Variants in DLG3 observed in about 807,000 individuals in gnomAD.
DLG3 encodes the protein discs large MAGUK scaffold protein 3.
A neutral mutation model predicts 64.1 loss-of-function variants in DLG3; 1 was observed. That is an observed-to-expected ratio of 0.02 (90% CI 0.01 to 0.07). The LOEUF is 0.07. DLG3 is among the 10% of genes least tolerant of loss of function. The pLI is 1.00. For synonymous variants in DLG3, 245 were observed against 259.8 expected (o/e 0.94, Z 0.55); for missense variants, 429 against 669.5 (o/e 0.64, Z 3.96).
chrX:70,447,359 G>A (rs779474351), intron 1 of DLG3, among the ~76,000 whole-genome samples: 1 of 112,155 alleles, frequency 8.9e-6, no homozygotes, highest in Admixed American at 9.4e-5. Flanking sequence ...CTGTTGCATG[G>A]TACTTAAGGC....
At chrX:70,452,588 A>C in intron 7 of DLG3, 1 of 1,171,106 alleles carries the variant, frequency 8.5e-7, no homozygotes, top group Non-Finnish European at 1.1e-6. Context: ...GTGGAGCCGG[A>C]AGGGTAGGCA....
chrX:70,486,146 C>T (rs897101438), intron 10 of DLG3, among the ~76,000 whole-genome samples: 3 of 109,686 alleles, frequency 2.7e-5, no homozygotes, highest in Non-Finnish European at 5.7e-5. Context: ...TTACATGTCA[C>T]ATTTTCCCTG....
At position 70,453,707 on chromosome X, in the gene DLG3, G is replaced by A. The variant is rs1358474797; in HGVS notation, c.1216G>A (p.Gly406Arg). ...LGFNIVGGED[G>R]EGIFVSFILA... ...CTTCAACATCGTAGGAGGAGAGGAT[G>A]GAGAAGGCATTTTTGTCTCCTTCAT... is the stretch of plus-strand genomic sequence containing the variant. Residue 406 changes from glycine to arginine, a missense_variant, in exon 8 of 19, where the codon GGA becomes AGA. This residue lies in a region of DLG3 where 7 missense variants were observed against 32.0 expected (regional missense o/e 0.22). Transcript: ENST00000374360. 1 of 1,208,820 alleles carries A rather than the reference G, an allele frequency of 8.3e-7. No homozygotes were observed. The highest frequency in any genetic ancestry group is 1.8e-5 in the South Asian group (1 of 56,119).
Position 70,500,893 on chromosome X carries a change from G to C in DLG3, c.2256-5G>C. 1 of 1,189,556 alleles carries C rather than the reference G, an allele frequency of 8.4e-7. No individual in the cohort carries two copies. Among genetic ancestry groups the C allele is most frequent in the South Asian group, 1.8e-5 (1 of 54,352 alleles). ...TCAGAACTATTTTTCTTCTGTCTTT[G>C]GCAGGGAAATGAACCGAAGGCAGAC... On this transcript the variant is annotated splice_region_variant and splice_polypyrimidine_tract_variant and intron_variant, in intron 17 of 18. Transcript: ENST00000374360.
intron 9 of DLG3, among the ~76,000 whole-genome samples, chrX:70,462,741 T>C (rs1238554337): frequency 8.9e-6 from 1 of 112,197 alleles, no homozygotes. Context: ...TTAGGTGATA[T>C]ATGCTTAGGA....
chrX:70,454,765 A>G lies in DLG3; in HGVS notation c.1405+449A>G, dbSNP rs373162148. Among the ~76,000 whole-genome samples the G allele has an allele frequency of 2.9e-3, 322 of 112,507 alleles. 3 individuals carry two copies. Among genetic ancestry groups the G allele is most frequent in the African/African-American group, 9.7e-3 (300 of 31,077 alleles). ...GACCCCCACTCCCCTCCCCTCATCA[A>G]GATGACCGTGAAAGACCCATAAACG... On this transcript the variant is annotated intron_variant, in intron 9 of 18. Coordinates refer to ENST00000374360, the MANE Select transcript of DLG3 (RefSeq NM_021120.4).
intron 9 of DLG3, among the ~76,000 whole-genome samples, chrX:70,468,714 C>T (rs2086923269): frequency 9.0e-6 from 1 of 111,656 alleles, no homozygotes; most frequent in Admixed American, 9.5e-5. Context: ...CATATTTCTG[C>T]CCTCTCACAT....
intron 10 of DLG3, among the ~76,000 whole-genome samples, chrX:70,488,172 C>T (rs2087292055): frequency 9.1e-6 from 1 of 109,976 alleles, no homozygotes; most frequent in Non-Finnish European, 1.9e-5. Context: ...CCACCACGCC[C>T]AGCTAATTTT....
intron 10 of DLG3, among the ~76,000 whole-genome samples, chrX:70,489,819 T>G (rs1366350255): frequency 9.0e-6 from 1 of 111,656 alleles, no homozygotes; most frequent in Non-Finnish European, 1.9e-5. Context: ...CCCTCTAATC[T>G]TCTACAAATT....
intron 9 of DLG3, among the ~76,000 whole-genome samples, chrX:70,464,190 TTTTCCTTTCCTTTCCTTTCC>T (rs10562768): frequency 2.1e-5 from 2 of 97,215 alleles, no homozygotes; most frequent in African/African-American, 4.0e-5. Context: ...CCTTTTTTCT[TTTTCCTTTCCTTTCCTTTCC>T]TTTCCTTTCC....
intron 7 of DLG3, chrX:70,452,511 G>T (rs1420640999): frequency 1.8e-6 from 2 of 1,136,459 alleles, no homozygotes; most frequent in Non-Finnish European, 2.3e-6. Context: ...GGAACTGGTC[G>T]GGCCGGCTGG....
chrX:70,487,046 A>G lies in DLG3; in HGVS notation c.1521-5061A>G, dbSNP rs1000000487. ...GTCAATATTTTTAAAAAAATTATTAAGGTCTAATTTACATACTTTTTTTGG... is the reference window on the plus strand; with the variant it reads ...GTCAATATTTTTAAAAAAATTATTAGGGTCTAATTTACATACTTTTTTTGG... On this transcript the variant is annotated intron_variant, in intron 10 of 18. Transcript: ENST00000374360. 1.1e-4 allele frequency among the ~76,000 whole-genome samples: 12 copies of G among 112,256 alleles called. No homozygotes were observed. The East Asian group carries it at 3.3e-3, about 31-fold the overall frequency.
At chrX:70,446,339 A>G (rs1366361074) in intron 1 of DLG3, among the ~76,000 whole-genome samples, 1 of 105,041 alleles carries the variant, frequency 9.5e-6, no homozygotes, top group East Asian at 3.1e-4. Context: ...AGGAGGCGAG[A>G]GACATGTCCC....
At chrX:70,460,914 CT>C (rs1291861661) in intron 9 of DLG3, among the ~76,000 whole-genome samples, 4 of 112,233 alleles carry the variant, frequency 3.6e-5, no homozygotes, top group South Asian at 3.7e-4. Context: ...TACTTCATTC[CT>C]TTTTATAGCT....
At chrX:70,471,007 G>A (rs1050543793) in intron 9 of DLG3, among the ~76,000 whole-genome samples, 14 of 111,066 alleles carry the variant, frequency 1.3e-4, no homozygotes, top group Admixed American at 3.8e-4. Flanking sequence ...TGGGTGAAAG[G>A]AGAAAGTTTG....
At chrX:70,464,137 G>T (rs1321322254) in intron 9 of DLG3, among the ~76,000 whole-genome samples, 4 of 110,647 alleles carry the variant, frequency 3.6e-5, no homozygotes, top group Non-Finnish European at 7.6e-5. Context: ...AAGTGCTAAG[G>T]TTACAGGTAC....
intron 9 of DLG3, among the ~76,000 whole-genome samples, chrX:70,475,451 A>T (rs1339592710): frequency 3.6e-5 from 4 of 111,025 alleles, no homozygotes; most frequent in Non-Finnish European, 7.6e-5. Context: ...CTCGCCTCCC[A>T]GGTTCAAGCG....
Position 70,500,370 on chromosome X carries a change from C to T in DLG3, c.2146-101C>T, listed in dbSNP as rs1178790199. On this transcript the variant is annotated intron_variant, in intron 16 of 18. Transcript: ENST00000374360. ...TGGCCCTCGTGCCCCTCCCCTCACC[C>T]CCACCCCCGGCCAAGGTGGATGTTT... 5 of 719,344 alleles carry T rather than the reference C, an allele frequency of 7.0e-6. No homozygotes were observed. In the African/African-American group the frequency reaches 1.1e-4, roughly 15 times the overall value. 59.3% of individuals were successfully genotyped at this position (719,344 alleles called of 1,213,427 possible).
At chrX:70,484,862 G>A (rs1408416178) in intron 10 of DLG3, among the ~76,000 whole-genome samples, 1 of 111,911 alleles carries the variant, frequency 8.9e-6, no homozygotes, top group Admixed American at 9.5e-5. Context: ...AGATACACCA[G>A]GGAGGCCCGA....
Sources: gnomAD v4.1 joint callset for allele counts (sites outside exome capture counted in the v4.1 genomes callset) on GRCh38, gnomAD v4.1.1 for gene constraint, gnomAD v4.1.1 regional missense constraint, MANE v1.5 for transcripts, NCBI Gene and HGNC (gene_info 2026-07-23, HGNC 2026-07-21) for gene names.